NAALADL2: variants seen among roughly 807,000 people sequenced by gnomAD.
The protein encoded by NAALADL2 is inactive N-acetylated-alpha-linked acidic dipeptidase-like protein 2.
Under a neutral mutation model 87.2 loss-of-function variants are expected in NAALADL2, and 76 were observed. The ratio of observed to expected loss-of-function variants is 0.87; its 90% CI spans 0.72 to 1.05. The LOEUF (loss-of-function observed/expected upper bound fraction) is 1.05, where lower values mean the gene tolerates loss of function less well. Ranked by LOEUF, NAALADL2 falls within the 50% of genes least tolerant of loss-of-function variation. NAALADL2 has a pLI of 0.00. For synonymous variants in NAALADL2, 354 were observed against 331.0 expected, an observed-to-expected ratio of 1.07 and a Z score of -0.75; for missense variants, 1,089 against 945.8, an observed-to-expected ratio of 1.15 and a Z score of -1.99.
chr3:174,748,003 T>G (rs1017952797), intron 3 of NAALADL2, among the ~76,000 whole-genome samples: 1 of 152,088 alleles, frequency 6.6e-6, no homozygotes, highest in African/African-American at 2.4e-5. Context: ...AAGATAATGT[T>G]CTTTGCAAGG....
chr3:174,992,216 C>T (rs796569419), intron 1 of NAALADL2, among the ~76,000 whole-genome samples: 15 of 152,116 alleles, frequency 9.9e-5, no homozygotes, highest in African/African-American at 3.1e-4. Context: ...TGAGAACCAC[C>T]TTTAAACTCT....
At chr3:174,737,629 A>G (rs2109000612) in intron 2 of NAALADL2, 1 of 152,280 alleles carries the variant, frequency 6.6e-6, no homozygotes, top group South Asian at 2.1e-4. Context: ...CTGGTTTTTG[A>G]TTTATGAACA....
At chr3:175,625,785 G>A (rs1726908331) in intron 10 of NAALADL2, among the ~76,000 whole-genome samples, 2 of 151,886 alleles carry the variant, frequency 1.3e-5, no homozygotes, top group African/African-American at 4.8e-5. Context: ...TTTGTAAAGA[G>A]GGAGTAATAA....
At chr3:175,537,250 A>G (rs1734945189) in intron 9 of NAALADL2, among the ~76,000 whole-genome samples, 1 of 152,220 alleles carries the variant, frequency 6.6e-6, no homozygotes, top group East Asian at 1.9e-4. Flanking sequence ...TTCTCAAAAT[A>G]TATTCTATTT....
At chr3:175,303,867 C>T (rs1405503964) in intron 4 of NAALADL2, among the ~76,000 whole-genome samples, 3 of 152,178 alleles carry the variant, frequency 2.0e-5, no homozygotes, top group Admixed American at 6.5e-5. Context: ...TACTAGAGTC[C>T]TTTCTAGAAG....
At chr3:174,921,857 A>G (rs977533508) in intron 1 of NAALADL2, among the ~76,000 whole-genome samples, 5 of 151,296 alleles carry the variant, frequency 3.3e-5, no homozygotes, top group African/African-American at 4.9e-5. Flanking sequence ...TCTTCTTAGT[A>G]TTTTAAAGGT....
chr3:174,462,258 G>T (rs1172684332), intron 1 of NAALADL2, among the ~76,000 whole-genome samples: 3 of 151,904 alleles, frequency 2.0e-5, no homozygotes, highest in African/African-American at 7.3e-5. Flanking sequence ...GTCCTTGGTT[G>T]TTGCAAAATC....
chr3:175,129,413 C>T (rs1360631858), intron 2 of NAALADL2, among the ~76,000 whole-genome samples: 2 of 152,124 alleles, frequency 1.3e-5, no homozygotes, highest in African/African-American at 4.8e-5. Flanking sequence ...CAATAGATCC[C>T]TGGAGCTCAT....
chr3:175,789,499 A>C (rs1752520157), intron 13 of NAALADL2, among the ~76,000 whole-genome samples: 1 of 152,126 alleles, frequency 6.6e-6, no homozygotes, highest in East Asian at 1.9e-4. Context: ...ATATTCTACT[A>C]CTTGAGGTCT....
At chr3:175,010,760 C>T (rs1172721645) in intron 1 of NAALADL2, among the ~76,000 whole-genome samples, 4 of 152,008 alleles carry the variant, frequency 2.6e-5, no homozygotes, top group Non-Finnish European at 4.4e-5. Flanking sequence ...TCTATTCTAG[C>T]CTTAGCAGGA....
chr3:175,231,553 G>A (rs1744938958), intron 2 of NAALADL2, among the ~76,000 whole-genome samples: 1 of 151,946 alleles, frequency 6.6e-6, no homozygotes, highest in South Asian at 2.1e-4. Context: ...TATTTCATTT[G>A]CCTTCGAGGC....
intron 1 of NAALADL2, among the ~76,000 whole-genome samples, chr3:175,030,654 C>A (rs1752698794): frequency 6.6e-6 from 1 of 151,808 alleles, no homozygotes; most frequent in Non-Finnish European, 1.5e-5. Flanking sequence ...ATAGAATTTG[C>A]AAAATTAGTT....
At position 174,769,807 on chromosome 3, in the gene NAALADL2, A is replaced by C. The variant is rs1714299587; in HGVS notation, c.-9+32061A>C. On this transcript the variant is annotated intron_variant, in intron 3 of 3. Transcript: ENST00000434257. The stretch of plus-strand genomic sequence containing the variant: ...TTTAATTTTATTTATTTCTTTAAAA[A>C]CATTATTTTAAAAATAGCTACAATG... Among the ~76,000 whole-genome samples the C allele has an allele frequency of 2.0e-5, 3 of 151,586 alleles. No homozygotes were observed. The South Asian group carries it at 6.2e-4, about 31-fold the overall frequency.
At chr3:175,736,999 A>C (rs552035081) in intron 11 of NAALADL2, among the ~76,000 whole-genome samples, 2 of 152,310 alleles carry the variant, frequency 1.3e-5, no homozygotes, top group African/African-American at 4.8e-5. Context: ...GTAAGGAATT[A>C]TTTAAAGTCT....
chr3:175,493,652 A>G (rs1048515697), intron 9 of NAALADL2, among the ~76,000 whole-genome samples: 2 of 152,170 alleles, frequency 1.3e-5, no homozygotes, highest in African/African-American at 4.8e-5. Flanking sequence ...TGGTCTGTGT[A>G]GCATTTCCCT....
rs77905507 is a variant in NAALADL2 at position 175,359,239 on chromosome 3, A to G, written c.1090+34914A>G. Among the ~76,000 whole-genome samples, 534 of 152,230 alleles carry G rather than the reference A, an allele frequency of 3.5e-3. 8 individuals are homozygous for G. The highest frequency in any genetic ancestry group is 0.012 in the African/African-American group (509 of 41,554). On this transcript the variant is annotated intron_variant, in intron 5 of 13. Transcript: ENST00000454872. ...CATCATTTAAAATAATTAGTTAACA[A>G]TTATCTAGAATACTAAAATGACCTC...
intron 2 of NAALADL2, among the ~76,000 whole-genome samples, chr3:174,653,568 C>G (rs535248919): frequency 1.7e-3 from 251 of 152,094 alleles, no homozygotes; most frequent in African/African-American, 5.8e-3. Flanking sequence ...AACTCATGGT[C>G]TATGATTTTA....
At chr3:175,370,844 A>G (rs1172607706) in intron 5 of NAALADL2, among the ~76,000 whole-genome samples, 1 of 152,132 alleles carries the variant, frequency 6.6e-6, no homozygotes, top group Non-Finnish European at 1.5e-5. Context: ...TAAACTGACA[A>G]GTTTAGGAGG....
chr3:175,349,249 TC>T (rs1763479776), intron 5 of NAALADL2, among the ~76,000 whole-genome samples: 1 of 150,726 alleles, frequency 6.6e-6, no homozygotes, highest in Non-Finnish European at 1.5e-5. Context: ...CCTAGCTTGT[TC>T]CAGAGACTGA....
Sources: allele counts gnomAD v4.1 joint callset (sites outside exome capture counted in the v4.1 genomes callset), GRCh38; gene constraint gnomAD v4.1.1; transcripts MANE v1.5; gene names NCBI Gene and HGNC (gene_info 2026-07-23, HGNC 2026-07-21).